Variants in THSD7A observed in about 807,000 individuals in gnomAD.
The protein encoded by THSD7A is thrombospondin type 1 domain containing 7A.
THSD7A carries 96 observed loss-of-function variants against 231.3 expected under a neutral mutation model. The ratio of observed to expected loss-of-function variants is 0.41; its 90% CI spans 0.35 to 0.49. THSD7A has a LOEUF of 0.49. Among genes scored for constraint, THSD7A ranks in the 20% least tolerant of loss-of-function variants. THSD7A has a pLI of 0.05. For synonymous variants in THSD7A, 940 were observed against 743.3 expected, an observed-to-expected ratio of 1.26 and a Z score of -4.30; for missense variants, 2,290 against 2,070.2, an observed-to-expected ratio of 1.11 and a Z score of -2.06.
intron 11 of THSD7A, among the ~76,000 whole-genome samples, chr7:11,453,339 T>A (rs1583770210): frequency 1.4e-5 from 2 of 139,290 alleles, no homozygotes. Flanking sequence ...TTTTTTTTTT[T>A]AAGGACTCTC....
chr7:11,620,921 C>T (rs1011828030), intron 2 of THSD7A, among the ~76,000 whole-genome samples: 38 of 152,132 alleles, frequency 2.5e-4, no homozygotes, highest in African/African-American at 9.2e-4. Context: ...GACAACTGCC[C>T]TCACTCCCAA....
At chr7:11,417,424 A>C in intron 17 of THSD7A, 26 bp downstream of exon 17, 2 of 1,547,986 alleles carry the variant, frequency 1.3e-6, no homozygotes, top group Non-Finnish European at 1.7e-6. Context: ...TAAACTCTAC[A>C]TTAATAAAAA....
At chr7:11,536,048 A>G (rs1788902707) in intron 6 of THSD7A, among the ~76,000 whole-genome samples, 1 of 152,210 alleles carries the variant, frequency 6.6e-6, no homozygotes, top group South Asian at 2.1e-4. Context: ...TATTGAAAAG[A>G]TATTCTAACA....
intron 6 of THSD7A, among the ~76,000 whole-genome samples, chr7:11,505,386 T>G (rs1313834913): frequency 1.3e-5 from 2 of 151,996 alleles, no homozygotes; most frequent in Non-Finnish European, 2.9e-5. Context: ...ATGATTTCAG[T>G]ACTTAAAAGA....
At chr7:11,696,149 T>C (rs1029918825) in intron 1 of THSD7A, among the ~76,000 whole-genome samples, 1 of 151,370 alleles carries the variant, frequency 6.6e-6, no homozygotes, top group African/African-American at 2.4e-5. Flanking sequence ...AGTCACAAAA[T>C]AGACACATTG....
chr7:11,483,191 T>A (rs1300052848), intron 6 of THSD7A, among the ~76,000 whole-genome samples: 1 of 152,070 alleles, frequency 6.6e-6, no homozygotes, highest in Non-Finnish European at 1.5e-5. Context: ...ACTTGGGGAG[T>A]TAGGAGCATC....
chr7:11,744,789 G>T (rs1366749167), intron 1 of THSD7A, among the ~76,000 whole-genome samples: 1 of 151,992 alleles, frequency 6.6e-6, no homozygotes, highest in Non-Finnish European at 1.5e-5. Flanking sequence ...TTTTATGGCT[G>T]CATAGTATTC....
chr7:11,656,912 T>C (rs1364038356), intron 1 of THSD7A, among the ~76,000 whole-genome samples: 1 of 151,842 alleles, frequency 6.6e-6, no homozygotes, highest in Non-Finnish European at 1.5e-5. Flanking sequence ...TTTCCTTTTT[T>C]AAAAAGTATG....
At chr7:11,661,817 G>A (rs1782940868) in intron 1 of THSD7A, among the ~76,000 whole-genome samples, 1 of 151,218 alleles carries the variant, frequency 6.6e-6, no homozygotes, top group Non-Finnish European at 1.5e-5. Context: ...TGACTCATGA[G>A]GTTTAAATGT....
intron 1 of THSD7A, among the ~76,000 whole-genome samples, chr7:11,732,728 G>A (rs931606997): frequency 2.0e-5 from 3 of 151,766 alleles, no homozygotes; most frequent in African/African-American, 7.2e-5. Context: ...AGATGTAAGG[G>A]TTGTGGCAGC....
intron 2 of THSD7A, among the ~76,000 whole-genome samples, chr7:11,623,301 G>C (rs1354598110): frequency 3.3e-5 from 5 of 152,148 alleles, no homozygotes; most frequent in Admixed American, 3.3e-4. Context: ...ACTAGGAAAA[G>C]CAAGGAAGTA....
chr7:11,801,068 G>A (rs1313730909), intron 1 of THSD7A, among the ~76,000 whole-genome samples: 1 of 152,106 alleles, frequency 6.6e-6, no homozygotes, highest in Non-Finnish European at 1.5e-5. Flanking sequence ...TTGGGAGGCT[G>A]AGGTGGGAGG....
intron 11 of THSD7A, among the ~76,000 whole-genome samples, chr7:11,455,827 A>G (rs571519751): frequency 3.5e-4 from 53 of 152,196 alleles, no homozygotes; most frequent in Admixed American, 1.1e-3. Flanking sequence ...TAAACAGTTT[A>G]CAATTTTTAA....
chr7:11,767,219 A>G (rs1783057588), intron 1 of THSD7A, among the ~76,000 whole-genome samples: 1 of 152,206 alleles, frequency 6.6e-6, no homozygotes, highest in Non-Finnish European at 1.5e-5. Flanking sequence ...TAAAAATATC[A>G]GAACATATTA....
At position 11,372,601 on chromosome 7, in the gene THSD7A, T is replaced by C. The variant is rs193203901; in HGVS notation, c.*3193A>G. The C allele has an allele frequency of 2.0e-5, 3 of 152,276 alleles. No homozygotes were observed. The highest frequency in any genetic ancestry group is 2.0e-4 in the Admixed American group (3 of 15,284). 9.4% of individuals were successfully genotyped at this position (152,276 alleles called of 1,614,324 possible). A position where few individuals can be genotyped will look rare whatever the true frequency, so the allele number is the denominator to read the frequency against. ...AGTTAGTCCTATTCTACGTGGTTTC[T>C]AGTGAAATAGTCCAGCAAAATCATA... On this transcript the variant is annotated 3_prime_UTR_variant, in exon 28 of 28. Coordinates refer to ENST00000423059, the MANE Select transcript of THSD7A (RefSeq NM_015204.3).
intron 1 of THSD7A, among the ~76,000 whole-genome samples, chr7:11,742,415 A>C (rs1263805017): frequency 2.0e-5 from 3 of 151,926 alleles, no homozygotes; most frequent in Admixed American, 6.6e-5. Context: ...TTAGAGGACA[A>C]TAACTTGACA....
chr7:11,642,261 G>A (rs768808317), intron 1 of THSD7A, among the ~76,000 whole-genome samples: 20 of 152,130 alleles, frequency 1.3e-4, no homozygotes, highest in Non-Finnish European at 2.1e-4. Context: ...ATCTGGTGGA[G>A]TGGTGTTTGG....
At chr7:11,379,583 G>A (rs767512374) in intron 25 of THSD7A, 47 bp downstream of exon 25, 23 of 1,486,982 alleles carry the variant, frequency 1.5e-5, no homozygotes, top group Non-Finnish European at 2.0e-5. Context: ...ACAGTGGGGT[G>A]ACACATGATG....
intron 1 of THSD7A, among the ~76,000 whole-genome samples, chr7:11,778,784 T>C (rs1783529201): frequency 6.6e-6 from 1 of 152,152 alleles, no homozygotes; most frequent in African/African-American, 2.4e-5. Flanking sequence ...TGAATAGAAA[T>C]TGTCACATTG....
Sources: gnomAD v4.1 joint callset for allele counts (sites outside exome capture counted in the v4.1 genomes callset) on GRCh38, gnomAD v4.1.1 for gene constraint, MANE v1.5 for transcripts, NCBI Gene and HGNC (gene_info 2026-07-23, HGNC 2026-07-21) for gene names.